GRXCR1: variants seen among roughly 807,000 people sequenced by gnomAD.
GRXCR1 encodes the protein glutaredoxin and cysteine rich domain containing 1.
A neutral mutation model predicts 27.3 loss-of-function variants in GRXCR1; 27 were observed. The observed-to-expected ratio is 0.99, with a 90% confidence interval of 0.73 to 1.37. The LOEUF is 1.37. GRXCR1 is among the 40% of genes most tolerant of loss of function. GRXCR1 has a pLI of 0.00. For missense variants in GRXCR1, 379 were observed against 354.4 expected, an observed-to-expected ratio of 1.07 and a Z score of -0.56; for synonymous variants, 122 against 131.1, an observed-to-expected ratio of 0.93 and a Z score of 0.47.
intron 1 of GRXCR1, among the ~76,000 whole-genome samples, chr4:42,944,623 A>G (rs951528554): frequency 6.6e-6 from 1 of 152,114 alleles, no homozygotes; most frequent in African/African-American, 2.4e-5. Flanking sequence ...ACCTTGCTAC[A>G]GAGTACCAGA....
rs140612127 is a variant in GRXCR1, at chr4:42,917,153, T to C, written c.384+23503T>C. Among the ~76,000 whole-genome samples the C allele has an allele frequency of 2.5e-3, 379 of 152,300 alleles. 3 individuals carry two copies. Among genetic ancestry groups the C allele is most frequent in the African/African-American group, 8.9e-3 (370 of 41,576 alleles). On this transcript the variant is annotated intron_variant, in intron 1 of 3. Coordinates refer to ENST00000399770, the MANE Select transcript of GRXCR1 (RefSeq NM_001080476.3). Reference sequence around the variant, plus strand: ...CCAGAGGCTGCTGATGGTTTCCCAATACATTTGGTATCTATCTATCTATTT... The same window carrying C: ...CCAGAGGCTGCTGATGGTTTCCCAACACATTTGGTATCTATCTATCTATTT...
chr4:42,898,548 G>T (rs1746399733), intron 1 of GRXCR1, among the ~76,000 whole-genome samples: 1 of 152,018 alleles, frequency 6.6e-6, no homozygotes, highest in African/African-American at 2.4e-5. Context: ...TAAAAACAAG[G>T]TGATATTCTT....
intron 1 of GRXCR1, among the ~76,000 whole-genome samples, chr4:42,906,708 A>G (rs114255215): frequency 1.8e-3 from 269 of 152,302 alleles, no homozygotes; most frequent in African/African-American, 5.5e-3. Context: ...TTAGCAATAC[A>G]AGCAACCCTT....
chr4:43,019,370 A>T (rs1247573292), intron 2 of GRXCR1, among the ~76,000 whole-genome samples: 1 of 152,134 alleles, frequency 6.6e-6, no homozygotes, highest in African/African-American at 2.4e-5. Context: ...CCTGCTTGGC[A>T]CCCTGCTTAG....
chr4:42,996,875 A>G (rs1577937611), intron 2 of GRXCR1, among the ~76,000 whole-genome samples: 1 of 152,152 alleles, frequency 6.6e-6, no homozygotes, highest in South Asian at 2.1e-4. Flanking sequence ...GTCTTACAAT[A>G]CGTATGTGTA....
chr4:42,920,980 A>C (rs1746996547), intron 1 of GRXCR1, among the ~76,000 whole-genome samples: 1 of 152,110 alleles, frequency 6.6e-6, no homozygotes, highest in Non-Finnish European at 1.5e-5. Flanking sequence ...AATTCCAATG[A>C]GCTTTCCACA....
chr4:42,984,345 A>G (rs1318743808), intron 2 of GRXCR1, among the ~76,000 whole-genome samples: 1 of 152,032 alleles, frequency 6.6e-6, no homozygotes, highest in Admixed American at 6.6e-5. Flanking sequence ...AGATTCCTTA[A>G]AACAGTTATT....
chr4:43,011,315 G>A (rs73177798), intron 2 of GRXCR1, among the ~76,000 whole-genome samples: 2,073 of 152,282 alleles, frequency 0.014, 41 homozygotes, highest in African/African-American at 0.047. Flanking sequence ...AAGGGCCTTT[G>A]CCCTTTGACT....
At chr4:43,027,505 A>G (rs1713293890) in intron 3 of GRXCR1, among the ~76,000 whole-genome samples, 1 of 152,226 alleles carries the variant, frequency 6.6e-6, no homozygotes, top group Non-Finnish European at 1.5e-5. Context: ...TTGTAGGCCC[A>G]TTATGTAAAA....
intron 2 of GRXCR1, among the ~76,000 whole-genome samples, chr4:43,001,976 T>C (rs1712380643): frequency 6.6e-6 from 1 of 152,192 alleles, no homozygotes. Context: ...GATTTATGTT[T>C]CTCTCCACCC....
At chr4:43,006,221 A>T (rs1577941954) in intron 2 of GRXCR1, among the ~76,000 whole-genome samples, 1 of 152,208 alleles carries the variant, frequency 6.6e-6, no homozygotes, top group African/African-American at 2.4e-5. Context: ...TTAACTGCAC[A>T]AATTGTACAG....
chr4:42,990,082 A>G (rs543455514), intron 2 of GRXCR1, among the ~76,000 whole-genome samples: 34 of 149,558 alleles, frequency 2.3e-4, no homozygotes, highest in African/African-American at 6.6e-4. Context: ...TCAGGAATCA[A>G]TTCTGTTTTG....
rs370045167 is a variant in GRXCR1 at position 42,943,939 on chromosome 4, A to G, written c.385-18953A>G. On this transcript the variant is annotated intron_variant, in intron 1 of 3. Transcript: ENST00000399770. ...CTTCCCTCCAGAAATTAAAAATGTG[A>G]TCCAAAATATCAATGGTGCTAAGGT... Among the ~76,000 whole-genome samples the G allele has an allele frequency of 4.6e-4, 70 of 152,164 alleles. 2 individuals carry two copies. In the South Asian group the frequency reaches 0.011, roughly 23 times the overall value.
chr4:42,961,165 G>A lies in GRXCR1; in HGVS notation c.385-1727G>A, dbSNP rs906777019. Reference sequence around the variant, plus strand: ...GGCTTTCAGCTCCATTCATGTCCCTGCAAAGAACATGATCTCATTCATTTT... The same window carrying A: ...GGCTTTCAGCTCCATTCATGTCCCTACAAAGAACATGATCTCATTCATTTT... On this transcript the variant is annotated intron_variant, in intron 1 of 3. Coordinates refer to ENST00000399770, the MANE Select transcript of GRXCR1 (RefSeq NM_001080476.3). Among the ~76,000 whole-genome samples the A allele has an allele frequency of 3.3e-5, 5 of 151,798 alleles. No individual in the cohort carries two copies. The South Asian group carries it at 6.2e-4, about 19-fold the overall frequency.
At chr4:42,949,263 G>T (rs1026603970) in intron 1 of GRXCR1, among the ~76,000 whole-genome samples, 1 of 149,186 alleles carries the variant, frequency 6.7e-6, no homozygotes. Context: ...TACCTGGGAG[G>T]CTGAGTCAGG....
At chr4:43,005,739 C>A (rs1411855743) in intron 2 of GRXCR1, among the ~76,000 whole-genome samples, 1 of 152,162 alleles carries the variant, frequency 6.6e-6, no homozygotes, top group Non-Finnish European at 1.5e-5. Context: ...GACCAAGCAT[C>A]CAGCATCTGT....
intron 1 of GRXCR1, among the ~76,000 whole-genome samples, chr4:42,908,041 G>C (rs1746636110): frequency 6.6e-6 from 1 of 152,152 alleles, no homozygotes. Context: ...CCTTCCTACA[G>C]GGGGGTCATC....
chr4:42,994,727 C>G (rs1712090733), intron 2 of GRXCR1, among the ~76,000 whole-genome samples: 1 of 152,072 alleles, frequency 6.6e-6, no homozygotes, highest in East Asian at 1.9e-4. Context: ...GGAAGACTTT[C>G]CTGAGGAAGT....
At chr4:42,934,104 T>A (rs1747398089) in intron 1 of GRXCR1, among the ~76,000 whole-genome samples, 1 of 151,868 alleles carries the variant, frequency 6.6e-6, no homozygotes, top group Non-Finnish European at 1.5e-5. Flanking sequence ...AGCAGACAAC[T>A]TGTGGACTCT....
Sources: allele counts gnomAD v4.1 joint callset (sites outside exome capture counted in the v4.1 genomes callset), GRCh38; gene constraint gnomAD v4.1.1; transcripts MANE v1.5; gene names NCBI Gene and HGNC (gene_info 2026-07-23, HGNC 2026-07-21).